The following SHPRH variants were observed in gnomAD, a reference collection of about 807,000 sequenced individuals.
The protein encoded by SHPRH is SNF2 histone linker PHD RING helicase, also known as E3 ubiquitin-protein ligase SHPRH.
SHPRH carries 106 observed loss-of-function variants against 202.5 expected under a neutral mutation model. The ratio of observed to expected loss-of-function variants is 0.52; its 90% CI spans 0.45 to 0.62. SHPRH has a LOEUF of 0.62. SHPRH is among the 20% of genes least tolerant of loss of function. SHPRH has a pLI of 0.00. For synonymous variants in SHPRH, 729 were observed against 686.0 expected, an observed-to-expected ratio of 1.06 and a Z score of -0.98; for missense variants, 1,710 against 2,020.0, an observed-to-expected ratio of 0.85 and a Z score of 2.94.
intron 18 of SHPRH, 80 bp from the exon 19 acceptor site, chr6:145,922,916 C>T (rs1784545361): frequency 7.1e-7 from 1 of 1,401,974 alleles, no homozygotes; most frequent in Non-Finnish European, 9.4e-7. Flanking sequence ...GAATGGTTGC[C>T]AAACAAAGTG....
intron 14 of SHPRH, among the ~76,000 whole-genome samples, chr6:145,929,972 G>C (rs4075694): frequency 0.63 from 96,214 of 151,780 alleles, 31,006 homozygotes; most frequent in African/African-American, 0.73. Context: ...AATAGTTGAG[G>C]TAAGTAAAGC....
intron 5 of SHPRH, 47 bp downstream of exon 5, chr6:145,948,225 T>A (rs1787598811): frequency 1.6e-5 from 22 of 1,384,772 alleles, no homozygotes; most frequent in Non-Finnish European, 2.1e-5. Context: ...CAGTTTTTCA[T>A]TATATTTATT....
chr6:145,919,098 T>C lies in SHPRH; in HGVS notation c.4152+250A>G, dbSNP rs1055832716. The C allele has an allele frequency of 4.2e-5, 16 of 377,530 alleles. 1 individual carries two copies. Among genetic ancestry groups the C allele is most frequent in the Non-Finnish European group, 1.4e-5 (3 of 211,118 alleles). 23.4% of individuals were successfully genotyped at this position (377,530 alleles called of 1,614,324 possible). A position where few individuals can be genotyped will look rare whatever the true frequency, so the allele number is the denominator to read the frequency against. On this transcript the variant is annotated intron_variant, in intron 22 of 29. Transcript: ENST00000275233. Reference sequence around the variant, plus strand: ...ACAAGGTTTTAAACTCAAAAACAGATGAATGCGCAACCTGGAGAGAAACAA... The same window carrying C: ...ACAAGGTTTTAAACTCAAAAACAGACGAATGCGCAACCTGGAGAGAAACAA...
intron 25 of SHPRH, chr6:145,908,415 T>C (rs1379760398): frequency 1.3e-5 from 2 of 152,104 alleles, no homozygotes; most frequent in African/African-American, 4.8e-5. Flanking sequence ...TTCACAGCCT[T>C]GCCAGCATCT....
Position 145,954,868 on chromosome 6 carries a change from T to C in SHPRH, c.455A>G (p.Tyr152Cys). 6.2e-7 allele frequency: 1 copy of C among 1,613,760 alleles called. No individual in the cohort carries two copies. The highest frequency in any genetic ancestry group is 1.1e-5 in the South Asian group (1 of 91,016). ...TACATCTTCACCTTTTGAATGAACA[T>C]AAATCAGGAACTGATTGCTTGACTC... is the stretch of plus-strand genomic sequence containing the variant. ...SSESSNQFLIYVHSKGEDVEK... is the reference protein window; with the variant it reads ...SSESSNQFLICVHSKGEDVEK... Residue 152 changes from tyrosine (Y) to cysteine (C), a missense_variant, in exon 2 of 30, where the codon TAT (tyrosine) becomes TGT (cysteine). This residue lies in a region of SHPRH where 459 missense variants were observed against 426.5 expected (regional missense o/e 1.08). Transcript: ENST00000275233.
intron 14 of SHPRH, among the ~76,000 whole-genome samples, chr6:145,931,797 A>T (rs1220686065): frequency 6.6e-6 from 1 of 152,078 alleles, no homozygotes; most frequent in Non-Finnish European, 1.5e-5. Context: ...TAATAATCTT[A>T]CAATATTATA....
At chr6:145,945,025 A>C (rs1297490838) in intron 8 of SHPRH, among the ~76,000 whole-genome samples, 1 of 152,122 alleles carries the variant, frequency 6.6e-6, no homozygotes, top group African/African-American at 2.4e-5. Flanking sequence ...ACTGCATTCT[A>C]GCCAGGGCAA....
At chr6:145,921,114 G>C in intron 21 of SHPRH, 53 bp downstream of exon 21, 1 of 1,468,880 alleles carries the variant, frequency 6.8e-7, no homozygotes, top group Non-Finnish European at 9.3e-7. Context: ...AGTTAAAATT[G>C]ATGTAAAAAA....
At chr6:145,946,139 G>C (rs1179669358) in intron 7 of SHPRH, 94 bp downstream of exon 7, 1 of 867,714 alleles carries the variant, frequency 1.2e-6, no homozygotes. Context: ...AAAAACAATT[G>C]TTTATAACAA....
intron 25 of SHPRH, 43 bp downstream of exon 25, chr6:145,910,405 T>C (rs1363488120): frequency 3.1e-6 from 5 of 1,594,624 alleles, no homozygotes; most frequent in African/African-American, 2.7e-5. Context: ...TCCTATATTA[T>C]ATTGCCTTAC....
chr6:145,861,644 C>T (rs755828216), downstream of SHPRH, among the ~76,000 whole-genome samples: 91 of 152,150 alleles, frequency 6.0e-4, no homozygotes, highest in Non-Finnish European at 1.1e-3. Context: ...TATCCATCCT[C>T]CCATATTCGT....
chr6:145,921,471 A>T, intron 20 of SHPRH, 79 bp from the exon 21 acceptor site: 1 of 1,367,716 alleles, frequency 7.3e-7, no homozygotes, highest in South Asian at 1.3e-5. Context: ...TTCTAAAAGA[A>T]CATGTTTGCA....
At chr6:145,919,592 A>G (rs1299892272) in intron 21 of SHPRH, 101 bp from the exon 22 acceptor site, 3 of 1,387,718 alleles carry the variant, frequency 2.2e-6, no homozygotes, top group Non-Finnish European at 2.9e-6. Context: ...ATGAGATCTT[A>G]CACTTTTTCG....
intron 25 of SHPRH, chr6:145,904,599 G>C (rs1463714809): frequency 6.6e-6 from 1 of 152,304 alleles, no homozygotes; most frequent in Non-Finnish European, 1.5e-5. Context: ...CAGAAGAAGA[G>C]ACAGGAAGCA....
rs1266643102 is a variant in SHPRH at position 145,923,726 on chromosome 6, A to C, written c.3462T>G (p.Ile1154Met). Residue 1154 changes from isoleucine to methionine, a missense_variant, in exon 18 of 30, where the codon ATT becomes ATG. By Grantham distance (10) the Ile-to-Met change is conservative (BLOSUM62 1). Transcript: ENST00000275233. ...NVIHRAIEFT[I>M]DEELVQRVRN... Reference sequence around the variant, plus strand: ...GCACTCGCTGAACTAGCTCCTCATCAATAGTAAATTCTATTGCTCTGTGGA... The same window carrying C: ...GCACTCGCTGAACTAGCTCCTCATCCATAGTAAATTCTATTGCTCTGTGGA... The C allele has an allele frequency of 6.2e-7, 1 of 1,611,948 alleles. No individual in the cohort carries two copies. The highest frequency in any genetic ancestry group is 8.5e-7 in the Non-Finnish European group (1 of 1,178,782).
chr6:145,903,600 T>C (rs1400274250), intron 25 of SHPRH: 1 of 152,058 alleles, frequency 6.6e-6, no homozygotes, highest in Non-Finnish European at 1.5e-5. Context: ...GATGGTCACA[T>C]ACTTAAAAGT....
At chr6:145,909,842 C>T (rs180915930) in intron 25 of SHPRH, 52 of 152,162 alleles carry the variant, frequency 3.4e-4, no homozygotes, top group African/African-American at 1.1e-3. Flanking sequence ...TTAAATACCC[C>T]TTAAAAGCAG....
chr6:145,950,943 G>T (rs769415250), intron 3 of SHPRH, among the ~76,000 whole-genome samples: 2 of 152,008 alleles, frequency 1.3e-5, no homozygotes, highest in Admixed American at 6.6e-5. Flanking sequence ...GTTTATATAG[G>T]AACAACTTAC....
chr6:145,868,142 A>G (rs1473744118), intron 2 of SHPRH, among the ~76,000 whole-genome samples: 3 of 152,150 alleles, frequency 2.0e-5, no homozygotes, highest in Non-Finnish European at 4.4e-5. Context: ...GTGTTCTGAC[A>G]TAGTTTTCCC....
Sources: allele counts gnomAD v4.1 joint callset (sites outside exome capture counted in the v4.1 genomes callset), GRCh38; gene constraint gnomAD v4.1.1; regional missense constraint gnomAD v4.1.1; transcripts MANE v1.5; gene names NCBI Gene and HGNC (gene_info 2026-07-23, HGNC 2026-07-21).